Variants in HMGCL observed in about 807,000 individuals in gnomAD.
HMGCL encodes hydroxymethylglutaryl-CoA lyase, mitochondrial.
In HMGCL, 26 loss-of-function variants were observed where a neutral mutation model predicts 37.3. That is an observed-to-expected ratio of 0.70 (90% CI 0.51 to 0.97). The LOEUF is 0.97. Among genes scored for constraint, HMGCL ranks in the 50% least tolerant of loss-of-function variants. The pLI is 0.00. For missense variants in HMGCL, 379 were observed against 398.1 expected (o/e 0.95, Z 0.41); for synonymous variants, 151 against 148.0 (o/e 1.02, Z -0.15).
At chr1:23,818,257 G>A (rs1638650675) in intron 2 of HMGCL, among the ~76,000 whole-genome samples, 1 of 152,176 alleles carries the variant, frequency 6.6e-6, no homozygotes, top group African/African-American at 2.4e-5. Context: ...TTAGGAGTTT[G>A]AGACCAGCCT....
chr1:23,802,005 C>T lies in HMGCL; in HGVS notation c.*458G>A, dbSNP rs963845280. On this transcript the variant is annotated 3_prime_UTR_variant, in exon 9 of 9. Coordinates refer to ENST00000374490, the MANE Select transcript of HMGCL (RefSeq NM_000191.3). The stretch of plus-strand genomic sequence containing the variant: ...CCACCACGTAGCTCTCCACTTTCCA[C>T]AAATGGCCTCTGCCAGCTTGGGAAG... 13 of 426,100 alleles carry T rather than the reference C, an allele frequency of 3.1e-5. No individual in the cohort carries two copies. Among genetic ancestry groups the T allele is most frequent in the Middle Eastern group, 5.9e-4 (1 of 1,682 alleles). The allele number at this position is 426,100 out of a possible 1,614,324, so 26.4% of individuals were successfully genotyped here. A position where few individuals can be genotyped will look rare whatever the true frequency, so the allele number is the denominator to read the frequency against.
chr1:23,824,675 G>A (rs1477131480), intron 1 of HMGCL, among the ~76,000 whole-genome samples: 1 of 152,166 alleles, frequency 6.6e-6, no homozygotes, highest in Non-Finnish European at 1.5e-5. Flanking sequence ...CAACCCCAAG[G>A]GAATGTTGTC....
At position 23,802,617 on chromosome 1, in the gene HMGCL, A is replaced by G. The variant is rs1388125373; in HGVS notation, c.877-53T>C. 8 of 1,114,258 alleles carry G rather than the reference A, an allele frequency of 7.2e-6. No homozygotes were observed. In the South Asian group the frequency reaches 9.9e-5, roughly 14 times the overall value. 69.0% of individuals were successfully genotyped at this position (1,114,258 alleles called of 1,614,324 possible). A position where few individuals can be genotyped will look rare whatever the true frequency, so the allele number is the denominator to read the frequency against. On this transcript the variant is annotated intron_variant, in intron 8 of 8. Coordinates refer to ENST00000374490, the MANE Select transcript of HMGCL (RefSeq NM_000191.3). ...TAAGTCATGGTATGCCCTCAACACC[A>G]GGGAAAACATCAGCATGGACAGACA... is the stretch of plus-strand genomic sequence containing the variant.
rs1472270834 is a variant in HMGCL at position 23,817,476 on chromosome 1, C to T, written c.252G>A (p.Gln84=). Reference sequence around the variant, plus strand: ...CCTTTCATTGAGGGCTAGGGCTCACCTGGGGAACCCACTTAGGAGACACAA... The same window carrying T: ...CCTTTCATTGAGGGCTAGGGCTCACTTGGGGAACCCACTTAGGAGACACAA... The part of the protein sequence containing the change: ...TSFVSPKWVP[Q]MGDHTEVLKG... The change falls in exon 3 of 9, where the codon CAG becomes CAA. Residue 84 remains glutamine (Q), a splice_region_variant and synonymous_variant. Transcript: ENST00000374490. 1 of 1,591,640 alleles carries T rather than the reference C, an allele frequency of 6.3e-7. No individual in the cohort carries two copies. Among genetic ancestry groups the T allele is most frequent in the Non-Finnish European group, 8.6e-7 (1 of 1,159,664 alleles).
intron 1 of HMGCL, among the ~76,000 whole-genome samples, chr1:23,823,351 T>TATTC (rs1181367223): frequency 6.7e-6 from 1 of 150,186 alleles, no homozygotes; most frequent in African/African-American, 2.5e-5. Flanking sequence ...TTTACATATT[T>TATTC]ATTTATTTAT....
chr1:23,814,100 G>C (rs1015222249), intron 5 of HMGCL, 90 bp downstream of exon 5: 1 of 1,424,882 alleles, frequency 7.0e-7, no homozygotes, highest in Non-Finnish European at 9.9e-7. Context: ...CCCAGGATAA[G>C]AAGTTTGTGG....
intron 8 of HMGCL, chr1:23,804,010 T>G (rs1016161200): frequency 4.2e-6 from 1 of 235,782 alleles, no homozygotes; most frequent in African/African-American, 2.3e-5. Flanking sequence ...ACCCTGACAC[T>G]CCAGCCTTCT....
At chr1:23,817,340 C>T in intron 3 of HMGCL, 136 bp downstream of exon 3, 1 of 646,030 alleles carries the variant, frequency 1.5e-6, no homozygotes, top group Non-Finnish European at 2.8e-6. Context: ...TGCTGCAACA[C>T]AGTGCTATGA....
intron 6 of HMGCL, 77 bp downstream of exon 6, chr1:23,810,659 G>A (rs1638502874): frequency 1.6e-6 from 2 of 1,220,530 alleles, no homozygotes; most frequent in African/African-American, 3.0e-5. Context: ...AAAGGGTGGG[G>A]AGAGGAACCT....
chr1:23,815,207 A>C (rs1232866294), intron 4 of HMGCL, among the ~76,000 whole-genome samples: 2 of 151,936 alleles, frequency 1.3e-5, no homozygotes, highest in African/African-American at 4.8e-5. Flanking sequence ...ACTCTGTCTA[A>C]AAAAAACAAA....
chr1:23,818,537 A>G (rs891388420), intron 2 of HMGCL, among the ~76,000 whole-genome samples: 2 of 151,984 alleles, frequency 1.3e-5, no homozygotes, highest in African/African-American at 4.8e-5. Context: ...CCACTGCTCT[A>G]ACTTAATCTT....
chr1:23,817,708 G>A (rs1638637180), intron 2 of HMGCL, 125 bp from the exon 3 acceptor site: 1 of 708,888 alleles, frequency 1.4e-6, no homozygotes, highest in South Asian at 1.5e-5. Flanking sequence ...CACCTGAAAA[G>A]GAGTTATTTA....
chr1:23,824,628 C>A (rs1287558148), intron 1 of HMGCL, among the ~76,000 whole-genome samples: 1 of 152,158 alleles, frequency 6.6e-6, no homozygotes, highest in Non-Finnish European at 1.5e-5. Flanking sequence ...CAGAACACTG[C>A]CAGATGTGTT....
chr1:23,822,108 A>C (rs548111111), intron 1 of HMGCL, among the ~76,000 whole-genome samples: 1 of 152,226 alleles, frequency 6.6e-6, no homozygotes, highest in Admixed American at 6.5e-5. Context: ...TGTTTGGTAC[A>C]AAGTAGCCAC....
chr1:23,811,759 T>TG (rs1299707284), intron 5 of HMGCL, among the ~76,000 whole-genome samples: 1 of 152,174 alleles, frequency 6.6e-6, no homozygotes, highest in Non-Finnish European at 1.5e-5. Flanking sequence ...CTTAGGGCTA[T>TG]GGTAAGGAGG....
At chr1:23,802,614 A>T (rs1225377774) in intron 8 of HMGCL, 50 bp from the exon 9 acceptor site, 1 of 1,111,998 alleles carries the variant, frequency 9.0e-7, no homozygotes, top group Non-Finnish European at 1.4e-6. Context: ...TGCCCTCAAC[A>T]CCAGGGAAAA....
chr1:23,814,558 A>T (rs1638579846), intron 4 of HMGCL, among the ~76,000 whole-genome samples: 1 of 152,052 alleles, frequency 6.6e-6, no homozygotes, highest in African/African-American at 2.4e-5. Context: ...TTTAGTAGAG[A>T]CAGCGTTTCA....
Position 23,808,227 on chromosome 1 carries a change from C to G in HMGCL, c.658G>C (p.Ala220Pro). The G allele has an allele frequency of 6.2e-7, 1 of 1,613,956 alleles. No homozygotes were observed. The highest frequency in any genetic ancestry group is 8.5e-7 in the Non-Finnish European group (1 of 1,179,890). ...GCCAGAGGCACTTCCTGCATGACAG[C>G]AGATAGCATGTCTTTCATGATCCCT... ...TPGIMKDMLS[A>P]VMQEVPLAAL... is the part of the protein sequence containing the mutation. Residue 220 changes from alanine to proline, a missense_variant, in exon 7 of 9, where the codon GCT becomes CCT. By Grantham distance (27) the Ala-to-Pro change is conservative (BLOSUM62 -1). Transcript: ENST00000374490.
At chr1:23,805,537 A>G (rs1298252275) in intron 7 of HMGCL, among the ~76,000 whole-genome samples, 1 of 152,178 alleles carries the variant, frequency 6.6e-6, no homozygotes, top group Non-Finnish European at 1.5e-5. Flanking sequence ...ACAAAGGTCA[A>G]GTCTCTTCAT....
Sources: gnomAD v4.1 joint callset for allele counts (sites outside exome capture counted in the v4.1 genomes callset) on GRCh38, gnomAD v4.1.1 for gene constraint, MANE v1.5 for transcripts, NCBI Gene and HGNC (gene_info 2026-07-23, HGNC 2026-07-21) for gene names.